SLC2A9: variants seen among roughly 807,000 people sequenced by gnomAD.
SLC2A9 encodes the protein solute carrier family 2, facilitated glucose transporter member 9.
SLC2A9 carries 39 observed loss-of-function variants against 50.6 expected under a neutral mutation model. The observed-to-expected ratio is 0.77, with a 90% CI of 0.60 to 1.01. SLC2A9 has a LOEUF of 1.01. SLC2A9 is among the 50% of genes least tolerant of loss of function. The probability of loss-of-function intolerance (pLI) is 0.00; values close to 1 mark genes in which losing one functional copy is unlikely to be tolerated. For synonymous variants in SLC2A9, 324 were observed against 276.9 expected, an observed-to-expected ratio of 1.17 and a Z score of -1.69; for missense variants, 686 against 677.6, an observed-to-expected ratio of 1.01 and a Z score of -0.14.
intron 1 of SLC2A9, among the ~76,000 whole-genome samples, chr4:10,032,600 G>T (rs748733649): frequency 6.6e-6 from 1 of 152,134 alleles, no homozygotes; most frequent in Non-Finnish European, 1.5e-5. Flanking sequence ...CCACATAAAA[G>T]ATGATGCTCA....
At chr4:9,992,854 G>A (rs1367181436) in intron 3 of SLC2A9, among the ~76,000 whole-genome samples, 3 of 152,246 alleles carry the variant, frequency 2.0e-5, no homozygotes, top group Non-Finnish European at 2.9e-5. Flanking sequence ...ATGAGACACT[G>A]TAAATTTGAT....
chr4:9,773,553 T>C (rs1331778983), intron 1 of SLC2A9, among the ~76,000 whole-genome samples: 1 of 152,252 alleles, frequency 6.6e-6, no homozygotes, highest in Non-Finnish European at 1.5e-5. Context: ...AAACTCGCTT[T>C]GTGCTAAAAT....
At chr4:9,979,459 C>A (rs775162801) in intron 5 of SLC2A9, among the ~76,000 whole-genome samples, 8 of 152,086 alleles carry the variant, frequency 5.3e-5, no homozygotes, top group Non-Finnish European at 8.8e-5. Flanking sequence ...TCTCTGCCTA[C>A]CCTCCTGCCC....
intron 5 of SLC2A9, among the ~76,000 whole-genome samples, chr4:9,969,944 T>A (rs1004550007): frequency 6.6e-6 from 1 of 152,166 alleles, no homozygotes; most frequent in African/African-American, 2.4e-5. Context: ...GACAAAATAG[T>A]GTGTAGAGAC....
intron 3 of SLC2A9, among the ~76,000 whole-genome samples, chr4:9,802,384 T>G (rs1195108429): frequency 6.6e-6 from 1 of 151,792 alleles, no homozygotes; most frequent in Non-Finnish European, 1.5e-5. Flanking sequence ...GGCTGGCCCC[T>G]GCAGCGCCTC....
chr4:9,820,498 A>G (rs944370904), intron 3 of SLC2A9, among the ~76,000 whole-genome samples: 4 of 152,228 alleles, frequency 2.6e-5, no homozygotes, highest in Non-Finnish European at 4.4e-5. Flanking sequence ...ATTTTGATTG[A>G]GATTGTGGTA....
At chr4:10,023,810 T>C (rs1009464302), upstream of SLC2A9, among the ~76,000 whole-genome samples, 2 of 152,148 alleles carry the variant, frequency 1.3e-5, no homozygotes, top group Non-Finnish European at 2.9e-5. Context: ...TCGGGGCAAC[T>C]GAAGTTCAGG....
At chr4:9,984,668 T>C (rs1021208800) in intron 4 of SLC2A9, among the ~76,000 whole-genome samples, 2 of 152,200 alleles carry the variant, frequency 1.3e-5, no homozygotes, top group Non-Finnish European at 2.9e-5. Flanking sequence ...GAGCAGCGTT[T>C]GTCTGACAAT....
At position 9,980,601 on chromosome 4, in the gene SLC2A9, CA is replaced by C. The variant is rs1487910417; in HGVS notation, c.671del (p.Leu224ArgfsTer14). 5.6e-6 allele frequency: 9 copies of C among 1,614,080 alleles called. No individual in the cohort carries two copies. Among genetic ancestry groups the C allele is most frequent in the Non-Finnish European group, 7.6e-6 (9 of 1,180,034 alleles). Reference sequence around the variant, plus strand: ...AGGGAGCCACACTCACCTTTCCCAGCAGCTCGGGCAGGCCCAGAAGCTGCCC... The same window carrying C: ...AGGGAGCCACACTCACCTTTCCCAGCGCTCGGGCAGGCCCAGAAGCTGCCC... ...FTGQLLGLPE[L>X]LGKESTWPYL... On this transcript the variant is annotated frameshift_variant, in exon 5 of 12. Transcript: ENST00000264784. LOFTEE classifies it high-confidence loss of function.
At chr4:9,888,347 G>T (rs1310412451) in intron 9 of SLC2A9, among the ~76,000 whole-genome samples, 2 of 151,698 alleles carry the variant, frequency 1.3e-5, no homozygotes, top group African/African-American at 2.4e-5. Flanking sequence ...TTGCTTAAAA[G>T]AAGTTATCTT....
chr4:10,015,049 G>A (rs1374248222), intron 2 of SLC2A9, among the ~76,000 whole-genome samples: 1 of 152,212 alleles, frequency 6.6e-6, no homozygotes, highest in South Asian at 2.1e-4. Flanking sequence ...CCCCGAGGGA[G>A]GGAGGGGTTG....
intron 10 of SLC2A9, among the ~76,000 whole-genome samples, chr4:9,846,412 C>T (rs1450264324): frequency 1.3e-5 from 2 of 152,100 alleles, no homozygotes; most frequent in Non-Finnish European, 2.9e-5. Flanking sequence ...CAGGCATGTG[C>T]TTCCTAGGTA....
intron 4 of SLC2A9, among the ~76,000 whole-genome samples, chr4:9,981,278 GGTA>G (rs1755786298): frequency 3.7e-4 from 2 of 5,406 alleles, no homozygotes; most frequent in Non-Finnish European, 8.0e-4. Flanking sequence ...TAGTGGTGGT[GGTA>G]GTAGTAATGG....
upstream of SLC2A9, chr4:10,021,626 G>C: frequency 1.3e-6 from 1 of 770,964 alleles, no homozygotes; most frequent in East Asian, 2.8e-5. Context: ...CAATGAAACA[G>C]TCCAAAAAGG....
At chr4:9,812,970 A>T (rs1161286455) in intron 3 of SLC2A9, among the ~76,000 whole-genome samples, 1 of 152,200 alleles carries the variant, frequency 6.6e-6, no homozygotes, top group Non-Finnish European at 1.5e-5. Flanking sequence ...AATATCTTAC[A>T]CTGTGAGCAG....
intron 2 of SLC2A9, among the ~76,000 whole-genome samples, chr4:10,010,381 C>T (rs576314861): frequency 1.3e-4 from 20 of 152,200 alleles, no homozygotes; most frequent in Non-Finnish European, 2.8e-4. Context: ...CATAGCACTT[C>T]CTGAGTTCTG....
intron 10 of SLC2A9, among the ~76,000 whole-genome samples, chr4:9,848,033 G>A (rs1729254104): frequency 6.6e-6 from 1 of 152,282 alleles, no homozygotes; most frequent in Admixed American, 6.5e-5. Context: ...TGAGGCTAGA[G>A]AGGTGGAGTG....
chr4:10,038,375 C>G (rs766902905), intron 1 of SLC2A9, among the ~76,000 whole-genome samples: 6 of 151,502 alleles, frequency 4.0e-5, no homozygotes, highest in Non-Finnish European at 7.4e-5. Context: ...GATATGGTGG[C>G]AGGCACCTGT....
At chr4:9,894,994 CAT>C (rs952996412) in intron 8 of SLC2A9, among the ~76,000 whole-genome samples, 5 of 152,218 alleles carry the variant, frequency 3.3e-5, no homozygotes, top group Non-Finnish European at 5.9e-5. Flanking sequence ...CGGAAATTAA[CAT>C]ATATGTTTAC....
Sources: gnomAD v4.1 joint callset for allele counts (sites outside exome capture counted in the v4.1 genomes callset) on GRCh38, gnomAD v4.1.1 for gene constraint, MANE v1.5 for transcripts, NCBI Gene and HGNC (gene_info 2026-07-23, HGNC 2026-07-21) for gene names.